SP4: variants seen among roughly 807,000 people sequenced by gnomAD.
SP4 encodes the protein Sp4 transcription factor, also known as transcription factor Sp4.
In SP4, 19 loss-of-function variants were observed where a neutral mutation model predicts 72.8. That is an observed-to-expected ratio of 0.26 (90% CI 0.18 to 0.38). SP4 has a LOEUF of 0.38. SP4 is among the 10% of genes least tolerant of loss of function. The pLI, the probability that SP4 is intolerant of heterozygous loss-of-function variation, is 1.00. For missense variants in SP4, 1,008 were observed against 926.3 expected, an observed-to-expected ratio of 1.09 and a Z score of -1.14; for synonymous variants, 395 against 333.1, an observed-to-expected ratio of 1.19 and a Z score of -2.02.
chr7:21,464,385 T>G (rs1266736715), intron 3 of SP4, among the ~76,000 whole-genome samples: 1 of 152,058 alleles, frequency 6.6e-6, no homozygotes, highest in Non-Finnish European at 1.5e-5. Context: ...CGTGAGCCAC[T>G]GCGCCCGGCC....
chr7:21,503,120 A>G (rs964983787), intron 5 of SP4, among the ~76,000 whole-genome samples: 1 of 152,000 alleles, frequency 6.6e-6, no homozygotes, highest in Non-Finnish European at 1.5e-5. Context: ...CTTCTTTCCA[A>G]GTCTTAATCA....
At chr7:21,460,321 G>T (rs1326327251) in intron 3 of SP4, among the ~76,000 whole-genome samples, 1 of 152,120 alleles carries the variant, frequency 6.6e-6, no homozygotes, top group Non-Finnish European at 1.5e-5. Context: ...ACTGGCTCAG[G>T]ATTGAAGCTG....
intron 3 of SP4, among the ~76,000 whole-genome samples, chr7:21,452,782 TA>T (rs1228196691): frequency 9.3e-5 from 14 of 150,334 alleles, no homozygotes; most frequent in African/African-American, 3.5e-4. Context: ...CTTTACTCAT[TA>T]TTTTTTTTTT....
intron 3 of SP4, among the ~76,000 whole-genome samples, chr7:21,467,800 C>A (rs1361574590): frequency 1.3e-5 from 2 of 152,020 alleles, no homozygotes; most frequent in African/African-American, 4.8e-5. Context: ...CCCACTGCCC[C>A]CCATGGCAAG....
intron 3 of SP4, among the ~76,000 whole-genome samples, chr7:21,441,343 A>G (rs1040925686): frequency 3.3e-5 from 5 of 152,200 alleles, no homozygotes; most frequent in Non-Finnish European, 7.4e-5. Flanking sequence ...TAACTAACAC[A>G]GGGAATGATG....
chr7:21,496,377 G>A (rs917918124), intron 5 of SP4, among the ~76,000 whole-genome samples: 2 of 152,206 alleles, frequency 1.3e-5, no homozygotes, highest in African/African-American at 4.8e-5. Context: ...TAAGCCTCAT[G>A]TGCATGCCTC....
chr7:21,437,463 C>G (rs1188761719), intron 3 of SP4, among the ~76,000 whole-genome samples: 1 of 152,148 alleles, frequency 6.6e-6, no homozygotes, highest in Non-Finnish European at 1.5e-5. Flanking sequence ...TACGAGGTCT[C>G]ACACTATGGC....
chr7:21,475,459 T>G (rs1039063797), intron 3 of SP4, among the ~76,000 whole-genome samples: 1 of 151,940 alleles, frequency 6.6e-6, no homozygotes, highest in African/African-American at 2.4e-5. Flanking sequence ...TATGTTTGTT[T>G]CTGCTAGCAT....
At chr7:21,457,857 A>C (rs1467160369) in intron 3 of SP4, among the ~76,000 whole-genome samples, 1 of 152,158 alleles carries the variant, frequency 6.6e-6, no homozygotes, top group Non-Finnish European at 1.5e-5. Flanking sequence ...GCAGTCGCAC[A>C]TATGTAGAAA....
At chr7:21,450,571 C>G (rs10233598) in intron 3 of SP4, among the ~76,000 whole-genome samples, 5,605 of 152,118 alleles carry the variant, frequency 0.037, 148 homozygotes, top group Admixed American at 0.051. Context: ...TGTGATAGTT[C>G]TCCATTTCCT....
At chr7:21,493,166 C>G (rs1688778490) in intron 5 of SP4, among the ~76,000 whole-genome samples, 1 of 150,728 alleles carries the variant, frequency 6.6e-6, no homozygotes, top group Non-Finnish European at 1.5e-5. Context: ...CACCATTGCA[C>G]TCCAGCCTGG....
In SP4 at chr7:21,505,656, T is replaced by C. The variant is rs113662564; in HGVS notation, c.2108-5366T>C. 3.9e-5 allele frequency among the ~76,000 whole-genome samples: 6 copies of C among 152,324 alleles called. 1 individual carries two copies. Among genetic ancestry groups the C allele is most frequent in the African/African-American group, 1.2e-4 (5 of 41,572 alleles). On this transcript the variant is annotated intron_variant, in intron 5 of 5. Coordinates refer to ENST00000222584, the MANE Select transcript of SP4 (RefSeq NM_003112.5). ...CACCACATTGAACCACTTACGTTCATAGGGTATCTTACTAAAGAGGGTGTA... is the reference window on the plus strand; with the variant it reads ...CACCACATTGAACCACTTACGTTCACAGGGTATCTTACTAAAGAGGGTGTA...
In SP4 at chr7:21,513,855, AG is replaced by A. The variant is rs1427800583; in HGVS notation, c.*2587del. 2 of 152,232 alleles carry A rather than the reference AG, an allele frequency of 1.3e-5. No individual in the cohort carries two copies. Among genetic ancestry groups the A allele is most frequent in the Non-Finnish European group, 2.9e-5 (2 of 68,018 alleles). The allele number at this position is 152,232 out of a possible 1,614,324, so 9.4% of individuals were successfully genotyped here. On this transcript the variant is annotated 3_prime_UTR_variant, in exon 6 of 6. Coordinates refer to ENST00000222584, the MANE Select transcript of SP4 (RefSeq NM_003112.5). ...AGGTGCACATTTCACCACTGAAATTAGAAATATTTTGACAGTCTGTTCTGCA... is the reference window on the plus strand; with the variant it reads ...AGGTGCACATTTCACCACTGAAATTAAAATATTTTGACAGTCTGTTCTGCA...
At chr7:21,440,851 A>AAACAACAAC (rs779338567) in intron 3 of SP4, among the ~76,000 whole-genome samples, 4 of 138,494 alleles carry the variant, frequency 2.9e-5, no homozygotes, top group Non-Finnish European at 4.5e-5. Context: ...CCCTGTCTCA[A>AAACAACAAC]AACAACAACA....
rs569673906 is a variant in SP4, at chr7:21,449,306, A to G, written c.1678+18463A>G. Reference sequence around the variant, plus strand: ...CTCCTAACTGACCCGTATGCTCCACATCCTATGGCAGGTTGTGCCGCCTCC... The same window carrying G: ...CTCCTAACTGACCCGTATGCTCCACGTCCTATGGCAGGTTGTGCCGCCTCC... On this transcript the variant is annotated intron_variant, in intron 3 of 5. Coordinates refer to ENST00000222584, the MANE Select transcript of SP4 (RefSeq NM_003112.5). 9.2e-5 allele frequency among the ~76,000 whole-genome samples: 14 copies of G among 152,302 alleles called. No homozygotes were observed. In the East Asian group the frequency reaches 2.7e-3, roughly 29 times the overall value.
At chr7:21,491,067 A>G (rs909003427) in intron 5 of SP4, among the ~76,000 whole-genome samples, 2 of 152,178 alleles carry the variant, frequency 1.3e-5, no homozygotes, top group Non-Finnish European at 2.9e-5. Flanking sequence ...ATTAAGAGAG[A>G]AGATAACAGA....
Position 21,482,035 on chromosome 7 carries a change from A to T in SP4, c.2019A>T (p.Gly673=), listed in dbSNP as rs1784702798. The T allele has an allele frequency of 6.2e-7, 1 of 1,614,040 alleles. No homozygotes were observed. The highest frequency in any genetic ancestry group is 8.5e-7 in the Non-Finnish European group (1 of 1,179,888). The change falls in exon 5 of 6, where the codon GGA becomes GGT. Residue 673 remains glycine, a synonymous_variant. Coordinates refer to ENST00000222584, the MANE Select transcript of SP4 (RefSeq NM_003112.5). ...GAGCACATCTTCGCTGGCATACTGG[A>T]GAAAGACCTTTTATATGCAACTGGA... ...HLRAHLRWHT[G]ERPFICNWMF... is the part of the protein sequence containing the mutation.
intron 5 of SP4, among the ~76,000 whole-genome samples, chr7:21,507,656 T>A (rs1364789893): frequency 3.3e-5 from 5 of 152,290 alleles, no homozygotes; most frequent in Admixed American, 6.5e-5. Flanking sequence ...CACACCTAAT[T>A]TTTATCTGAG....
intron 3 of SP4, among the ~76,000 whole-genome samples, chr7:21,448,905 A>C (rs1783503952): frequency 6.6e-6 from 1 of 152,166 alleles, no homozygotes; most frequent in African/African-American, 2.4e-5. Flanking sequence ...GGCTTGATTG[A>C]GTATATTAAC....
Sources: gnomAD v4.1 joint callset for allele counts (sites outside exome capture counted in the v4.1 genomes callset) on GRCh38, gnomAD v4.1.1 for gene constraint, MANE v1.5 for transcripts, NCBI Gene and HGNC (gene_info 2026-07-23, HGNC 2026-07-21) for gene names.